GSAP: variants seen among roughly 807,000 people sequenced by gnomAD.
The protein encoded by GSAP is gamma-secretase-activating protein.
In GSAP, 118 loss-of-function variants were observed where a neutral mutation model predicts 131.7. The observed-to-expected ratio is 0.90, with a 90% confidence interval of 0.77 to 1.04. GSAP has a LOEUF of 1.04. GSAP is among the 50% of genes least tolerant of loss of function. The probability of loss-of-function intolerance (pLI) is 0.00; values close to 1 mark genes in which losing one functional copy is unlikely to be tolerated. For synonymous variants in GSAP, 381 were observed against 363.4 expected (o/e 1.05, Z -0.55); for missense variants, 1,019 against 1,013.2 (o/e 1.01, Z -0.08).
intron 8 of GSAP, among the ~76,000 whole-genome samples, chr7:77,378,914 T>C (rs556307132): frequency 5.5e-4 from 84 of 152,312 alleles, no homozygotes; most frequent in Non-Finnish European, 9.4e-4. Context: ...AACACCAGAA[T>C]GGTCCATATT....
At chr7:77,348,231 A>G (rs957153680) in intron 19 of GSAP, among the ~76,000 whole-genome samples, 1 of 152,188 alleles carries the variant, frequency 6.6e-6, no homozygotes, top group African/African-American at 2.4e-5. Flanking sequence ...GGCAGAAACA[A>G]TAAACAATAA....
At chr7:77,339,795 T>C (rs1790622995) in intron 19 of GSAP, among the ~76,000 whole-genome samples, 1 of 152,200 alleles carries the variant, frequency 6.6e-6, no homozygotes, top group Non-Finnish European at 1.5e-5. Flanking sequence ...ATCATATTCT[T>C]AGAAAACCTA....
intron 3 of GSAP, among the ~76,000 whole-genome samples, chr7:77,400,176 G>C (rs914145180): frequency 6.6e-6 from 1 of 152,092 alleles, no homozygotes; most frequent in Non-Finnish European, 1.5e-5. Context: ...CCCCTTCTGC[G>C]AGAAGAGTAT....
At chr7:77,322,492 G>A (rs1787786832) in intron 24 of GSAP, among the ~76,000 whole-genome samples, 1 of 151,948 alleles carries the variant, frequency 6.6e-6, no homozygotes, top group African/African-American at 2.4e-5. Flanking sequence ...CGCTTGAATG[G>A]AAACCCTTCT....
At chr7:77,338,923 A>ACC (rs1790464662) in intron 19 of GSAP, among the ~76,000 whole-genome samples, 1 of 152,010 alleles carries the variant, frequency 6.6e-6, no homozygotes, top group African/African-American at 2.4e-5. Context: ...TCCCACACAC[A>ACC]CACCCCCGCC....
intron 14 of GSAP, 26 bp downstream of exon 14, chr7:77,360,798 G>C: frequency 8.3e-7 from 1 of 1,207,880 alleles, no homozygotes; most frequent in South Asian, 1.2e-5. Flanking sequence ...GTTCAGAGCA[G>C]GGGGTGTGAT....
intron 5 of GSAP, among the ~76,000 whole-genome samples, chr7:77,396,702 C>A (rs934717401): frequency 6.6e-6 from 1 of 152,032 alleles, no homozygotes; most frequent in African/African-American, 2.4e-5. Context: ...CAACATCTGA[C>A]CATAGGTTTC....
chr7:77,413,621 C>T (rs1346814616), intron 1 of GSAP, among the ~76,000 whole-genome samples: 1 of 152,180 alleles, frequency 6.6e-6, no homozygotes, highest in Non-Finnish European at 1.5e-5. Context: ...GGAATGCATA[C>T]AGTATGTTTA....
chr7:77,324,291 A>G (rs1360709641), intron 23 of GSAP, among the ~76,000 whole-genome samples: 1 of 152,118 alleles, frequency 6.6e-6, no homozygotes, highest in Non-Finnish European at 1.5e-5. Flanking sequence ...GTGCCTCCAA[A>G]TAGGTTTGTT....
At position 77,362,575 on chromosome 7, in the gene GSAP, A is replaced by C. The variant is rs766552801; in HGVS notation, c.949+8T>G. 2.8e-6 allele frequency: 4 copies of C among 1,447,510 alleles called. No individual in the cohort carries two copies. The African/African-American group carries it at 5.7e-5, about 20-fold the overall frequency. The allele number at this position is 1,447,510 out of a possible 1,614,324, so 89.7% of individuals were successfully genotyped here. On this transcript the variant is annotated splice_region_variant and intron_variant, in intron 13 of 30. Transcript: ENST00000257626. ...ATGTAAAAGTAACAAAGAAGACATG[A>C]AAAGTACCTTTATGAATGTAAAACA...
At chr7:77,361,487 A>G (rs1335016873) in intron 13 of GSAP, among the ~76,000 whole-genome samples, 2 of 152,228 alleles carry the variant, frequency 1.3e-5, no homozygotes, top group Non-Finnish European at 2.9e-5. Flanking sequence ...CTTAAGTATG[A>G]ATAGAATATA....
At chr7:77,397,633 A>C (rs1800640213) in intron 3 of GSAP, among the ~76,000 whole-genome samples, 2 of 152,228 alleles carry the variant, frequency 1.3e-5, no homozygotes, top group Admixed American at 1.3e-4. Flanking sequence ...TTTAGCCATG[A>C]GACAACCAAG....
At chr7:77,343,326 C>G (rs1303274454) in intron 19 of GSAP, among the ~76,000 whole-genome samples, 1 of 152,180 alleles carries the variant, frequency 6.6e-6, no homozygotes, top group East Asian at 1.9e-4. Flanking sequence ...TCTCAGCAAG[C>G]CGAACTCATT....
At chr7:77,325,925 C>G (rs1028967857) in intron 23 of GSAP, among the ~76,000 whole-genome samples, 3 of 152,150 alleles carry the variant, frequency 2.0e-5, no homozygotes, top group African/African-American at 4.8e-5. Context: ...GCAGCTCTTT[C>G]CTTTTTTAAA....
Position 77,355,416 on chromosome 7 carries a change from T to C in GSAP, c.1135A>G (p.Ile379Val). Reference sequence around the variant, plus strand: ...AAAGGGCAATGAGGTAGCATATCAATCATTTCATTATTTCCTGGCAAAAAA... The same window carrying C: ...AAAGGGCAATGAGGTAGCATATCAACCATTTCATTATTTCCTGGCAAAAAA... ...NLFLTGNNEM[I>V]DMLPHCPLQS... Residue 379 changes from isoleucine (I) to valine (V), a missense_variant, in exon 16 of 31, where the codon ATT becomes GTT. Coordinates refer to ENST00000257626, the MANE Select transcript of GSAP (RefSeq NM_017439.4). 6.4e-7 allele frequency: 1 copy of C among 1,572,802 alleles called. No homozygotes were observed. Among genetic ancestry groups the C allele is most frequent in the Non-Finnish European group, 8.6e-7 (1 of 1,156,266 alleles).
Position 77,312,397 on chromosome 7 carries a change from C to G in GSAP, c.2272-195G>C, listed in dbSNP as rs185942769. Among the ~76,000 whole-genome samples the G allele has an allele frequency of 1.5e-3, 226 of 152,216 alleles. 1 individual carries two copies. Among genetic ancestry groups the G allele is most frequent in the African/African-American group, 5.3e-3 (219 of 41,532 alleles). ...ATGAGGGAGTAAATACTCTCTCAAA[C>G]GCTACATTGAGGAAAGTGGTTTATA... On this transcript the variant is annotated intron_variant, in intron 28 of 30. Coordinates refer to ENST00000257626, the MANE Select transcript of GSAP (RefSeq NM_017439.4).
chr7:77,331,170 G>A (rs1046539953), intron 19 of GSAP, among the ~76,000 whole-genome samples: 7 of 152,078 alleles, frequency 4.6e-5, no homozygotes, highest in South Asian at 2.1e-4. Flanking sequence ...GTGCAGTGGC[G>A]GGCGCTTGTA....
chr7:77,317,365 T>C (rs62475054), intron 26 of GSAP, among the ~76,000 whole-genome samples: 12,291 of 93,152 alleles, frequency 0.13, 742 homozygotes, highest in Non-Finnish European at 0.17. Flanking sequence ...CATCACACAC[T>C]GGGGCCTGTC....
chr7:77,394,178 AT>A (rs1198357244), intron 5 of GSAP, among the ~76,000 whole-genome samples: 3 of 152,086 alleles, frequency 2.0e-5, no homozygotes, highest in Non-Finnish European at 2.9e-5. Context: ...ATCTCTTCCA[AT>A]TTTACTAGGA....
Sources: gnomAD v4.1 joint callset for allele counts (sites outside exome capture counted in the v4.1 genomes callset) on GRCh38, gnomAD v4.1.1 for gene constraint, MANE v1.5 for transcripts, NCBI Gene and HGNC (gene_info 2026-07-23, HGNC 2026-07-21) for gene names.